Variants in TRAF3 observed in about 807,000 individuals in gnomAD.
TRAF3 encodes TNF receptor-associated factor 3.
A neutral mutation model predicts 62.3 loss-of-function variants in TRAF3; 13 were observed. That is an observed-to-expected ratio of 0.21 (90% confidence interval 0.14 to 0.33). The LOEUF is 0.33. Ranked by LOEUF, TRAF3 falls within the 10% of genes least tolerant of loss-of-function variation. The pLI is 1.00. For missense variants in TRAF3, 440 were observed against 741.8 expected, an observed-to-expected ratio of 0.59 and a Z score of 4.73; for synonymous variants, 269 against 283.4, an observed-to-expected ratio of 0.95 and a Z score of 0.51.
At chr14:102,794,279 A>G (rs1897955559) in intron 1 of TRAF3, among the ~76,000 whole-genome samples, 1 of 152,070 alleles carries the variant, frequency 6.6e-6, no homozygotes, top group Non-Finnish European at 1.5e-5. Flanking sequence ...GGCAGAAGTG[A>G]TCCTCCCAGC....
intron 2 of TRAF3, among the ~76,000 whole-genome samples, chr14:102,834,543 C>T (rs1165892816): frequency 2.0e-5 from 3 of 151,888 alleles, no homozygotes; most frequent in Non-Finnish European, 2.9e-5. Flanking sequence ...AAAAATTAGC[C>T]GGGCGTGGTG....
In TRAF3 at chr14:102,856,042, C is replaced by T. The variant is rs138520887; in HGVS notation, c.-17-14143C>T. Among the ~76,000 whole-genome samples, 60 of 144,382 alleles carry T rather than the reference C, an allele frequency of 4.2e-4. No homozygotes were observed. The East Asian group carries it at 0.012, about 28-fold the overall frequency. 94.7% of individuals were successfully genotyped at this position (144,382 alleles called of 152,430 possible). On this transcript the variant is annotated intron_variant, in intron 2 of 11. Transcript: ENST00000392745. ...AGGAGTTCAAGGCTGCAGCAAGTCA[C>T]GTTCACACCACTGCACTCCATCCAG...
chr14:102,858,093 C>G (rs894905261), intron 2 of TRAF3, among the ~76,000 whole-genome samples: 2 of 151,538 alleles, frequency 1.3e-5, no homozygotes, highest in African/African-American at 2.4e-5. Flanking sequence ...AACTCCTGTT[C>G]TACTTGATAT....
At position 102,905,490 on chromosome 14, in the gene TRAF3, G is replaced by A. The variant is rs934114383; in HGVS notation, c.1413G>A (p.Leu471=). 1 of 1,614,232 alleles carries A rather than the reference G, an allele frequency of 6.2e-7. No individual in the cohort carries two copies. The highest frequency in any genetic ancestry group is 8.5e-7 in the Non-Finnish European group (1 of 1,180,050). ...NGDGMGKGTH[L]SLFFVIMRGE... is the part of the protein sequence containing the mutation. The stretch of plus-strand genomic sequence containing the variant: ...ACGGGATGGGGAAGGGGACGCACTT[G>A]TCGCTGTTTTTTGTCATCATGCGTG... The change falls in exon 12 of 12, where the codon TTG becomes TTA. Residue 471 remains leucine, a synonymous_variant. Transcript: ENST00000392745.
chr14:102,815,338 A>G (rs1899448899), intron 1 of TRAF3, among the ~76,000 whole-genome samples: 1 of 151,928 alleles, frequency 6.6e-6, no homozygotes, highest in Non-Finnish European at 1.5e-5. Flanking sequence ...TGCTGTGATC[A>G]TGTGTGTATG....
chr14:102,862,106 G>T (rs766014490), intron 2 of TRAF3, among the ~76,000 whole-genome samples: 3 of 152,020 alleles, frequency 2.0e-5, no homozygotes, highest in Non-Finnish European at 2.9e-5. Flanking sequence ...TTTTGTTGTT[G>T]TATCTAAGAA....
chr14:102,872,312 G>T (rs2139837534), intron 4 of TRAF3, among the ~76,000 whole-genome samples: 1 of 152,304 alleles, frequency 6.6e-6, no homozygotes, highest in Non-Finnish European at 1.5e-5. Context: ...GTCTGTGGTT[G>T]GGTCACTTCC....
intron 1 of TRAF3, among the ~76,000 whole-genome samples, chr14:102,819,190 G>A (rs1395976186): frequency 6.6e-6 from 1 of 151,882 alleles, no homozygotes; most frequent in Non-Finnish European, 1.5e-5. Context: ...CTAGAGCGGT[G>A]TGTCCCTGTC....
chr14:102,840,109 A>G (rs1294576559), intron 2 of TRAF3, among the ~76,000 whole-genome samples: 4 of 152,236 alleles, frequency 2.6e-5, no homozygotes, highest in Non-Finnish European at 5.9e-5. Flanking sequence ...CACTTGCCTC[A>G]GTGCAGAATT....
At chr14:102,837,118 TTGTGTGTGTGTG>T (rs139388630) in intron 2 of TRAF3, among the ~76,000 whole-genome samples, 15 of 78,362 alleles carry the variant, frequency 1.9e-4, no homozygotes, top group Non-Finnish European at 2.0e-4. Context: ...AGCAAGTAAT[TTGTGTGTGTGTG>T]TGTGTGTGTG....
intron 10 of TRAF3, among the ~76,000 whole-genome samples, chr14:102,898,761 C>T (rs1890128754): frequency 6.6e-6 from 1 of 152,242 alleles, no homozygotes; most frequent in Non-Finnish European, 1.5e-5. Context: ...CCCTTCCAGT[C>T]AGGTGTTGTC....
intron 1 of TRAF3, among the ~76,000 whole-genome samples, chr14:102,820,614 ATTTTTTTTTTTTT>A (rs57149106): frequency 1.1e-4 from 2 of 17,924 alleles, no homozygotes; most frequent in African/African-American, 5.9e-4. Context: ...ATATATATAT[ATTTTTTTTTTTTT>A]TTTTTTTTTT....
At chr14:102,814,449 G>C (rs1899391046) in intron 1 of TRAF3, among the ~76,000 whole-genome samples, 1 of 152,078 alleles carries the variant, frequency 6.6e-6, no homozygotes, top group South Asian at 2.1e-4. Context: ...ACAAATTTTA[G>C]GATATTTTTT....
chr14:102,813,868 G>T (rs1219882447), intron 1 of TRAF3, among the ~76,000 whole-genome samples: 1 of 151,976 alleles, frequency 6.6e-6, no homozygotes, highest in Non-Finnish European at 1.5e-5. Context: ...TCTGTAGGTT[G>T]GCTTTTCATT....
At chr14:102,824,845 T>C (rs926150656) in intron 1 of TRAF3, among the ~76,000 whole-genome samples, 2 of 152,214 alleles carry the variant, frequency 1.3e-5, no homozygotes, top group Non-Finnish European at 2.9e-5. Context: ...AGGTTGAAAA[T>C]ATTACTGAGT....
At chr14:102,871,849 C>A in intron 3 of TRAF3, 68 bp from the exon 4 acceptor site, 1 of 1,485,188 alleles carries the variant, frequency 6.7e-7, no homozygotes, top group Non-Finnish European at 9.4e-7. Flanking sequence ...TGAATGCTCC[C>A]AGAATCTCCT....
At chr14:102,823,089 A>G (rs1295735082) in intron 1 of TRAF3, among the ~76,000 whole-genome samples, 1 of 151,972 alleles carries the variant, frequency 6.6e-6, no homozygotes, top group African/African-American at 2.4e-5. Flanking sequence ...CACATTGACT[A>G]GGTGCTTTCT....
chr14:102,868,622 A>G (rs1357442459), intron 2 of TRAF3, among the ~76,000 whole-genome samples: 4 of 152,180 alleles, frequency 2.6e-5, no homozygotes, highest in African/African-American at 9.7e-5. Flanking sequence ...TTCATTATGG[A>G]AGTGCATGGC....
At chr14:102,864,607 C>A (rs1887875668) in intron 2 of TRAF3, among the ~76,000 whole-genome samples, 1 of 152,102 alleles carries the variant, frequency 6.6e-6, no homozygotes, top group African/African-American at 2.4e-5. Context: ...TTTACGTACA[C>A]CTTACTTGGT....
Sources: gnomAD v4.1 joint callset for allele counts (sites outside exome capture counted in the v4.1 genomes callset) on GRCh38, gnomAD v4.1.1 for gene constraint, MANE v1.5 for transcripts, NCBI Gene and HGNC (gene_info 2026-07-23, HGNC 2026-07-21) for gene names.